The following HCN1 variants were observed in gnomAD, a reference collection of about 807,000 sequenced individuals.
The protein encoded by HCN1 is hyperpolarization activated cyclic nucleotide gated potassium channel 1.
A neutral mutation model predicts 78.9 loss-of-function variants in HCN1; 13 were observed. The observed-to-expected ratio is 0.16, with a 90% CI of 0.11 to 0.26. The LOEUF (loss-of-function observed/expected upper bound fraction) is 0.26. Ranked by LOEUF, HCN1 falls within the 10% of genes least tolerant of loss-of-function variation. HCN1 has a pLI of 1.00. For synonymous variants in HCN1, 552 were observed against 455.5 expected (o/e 1.21, Z -2.70); for missense variants, 810 against 1,154.3 (o/e 0.70, Z 4.32).
chr5:45,516,356 C>T (rs890341376), intron 2 of HCN1, among the ~76,000 whole-genome samples: 1 of 151,868 alleles, frequency 6.6e-6, no homozygotes, highest in Non-Finnish European at 1.5e-5. Context: ...TCCATATCCC[C>T]AGAAGAACAG....
intron 2 of HCN1, among the ~76,000 whole-genome samples, chr5:45,497,873 G>T (rs1040033187): frequency 2.0e-5 from 3 of 152,054 alleles, no homozygotes; most frequent in African/African-American, 7.3e-5. Flanking sequence ...ATGAAATTCT[G>T]GGTTGAAAAT....
chr5:45,485,641 A>G (rs1206427786), intron 2 of HCN1, among the ~76,000 whole-genome samples: 1 of 152,196 alleles, frequency 6.6e-6, no homozygotes, highest in African/African-American at 2.4e-5. Context: ...CAAAGAGTTA[A>G]TATATTCACT....
At chr5:45,488,280 A>G (rs952171774) in intron 2 of HCN1, among the ~76,000 whole-genome samples, 5 of 152,076 alleles carry the variant, frequency 3.3e-5, no homozygotes, top group Admixed American at 3.3e-4. Context: ...TTTACTTTTG[A>G]TTATGCTTAT....
At chr5:45,442,747 T>C (rs75558549) in intron 3 of HCN1, among the ~76,000 whole-genome samples, 2,847 of 152,152 alleles carry the variant, frequency 0.019, 57 homozygotes, top group Non-Finnish European at 0.032. Flanking sequence ...GGACAGAGTA[T>C]GCTTTACCAA....
chr5:45,316,147 C>T lies in HCN1; in HGVS notation c.1378-12308G>A, dbSNP rs376828763. On this transcript the variant is annotated intron_variant, in intron 5 of 7. Transcript: ENST00000303230. ...TTAGACCAATATCCCTGATGAACAT[C>T]GATGCAAAAATCTTCAATAAAATAC... Among the ~76,000 whole-genome samples, 54 of 152,198 alleles carry T rather than the reference C, an allele frequency of 3.5e-4. No homozygotes were observed. The East Asian group carries it at 5.8e-3, about 16-fold the overall frequency.
chr5:45,370,950 G>T (rs1239334973), intron 4 of HCN1, among the ~76,000 whole-genome samples: 1 of 152,046 alleles, frequency 6.6e-6, no homozygotes, highest in Non-Finnish European at 1.5e-5. Flanking sequence ...ATTTCGAGGA[G>T]TTTGGTGATT....
intron 1 of HCN1, among the ~76,000 whole-genome samples, chr5:45,681,868 A>G (rs1398461781): frequency 6.6e-6 from 1 of 152,166 alleles, no homozygotes; most frequent in Non-Finnish European, 1.5e-5. Context: ...TAGTTTTTAT[A>G]GGGCTGTGAA....
chr5:45,446,653 C>T (rs1447928383), intron 3 of HCN1, among the ~76,000 whole-genome samples: 2 of 152,108 alleles, frequency 1.3e-5, no homozygotes, highest in Non-Finnish European at 2.9e-5. Context: ...TCCGGTTACC[C>T]TCAAAGGGAA....
intron 1 of HCN1, among the ~76,000 whole-genome samples, chr5:45,653,166 A>C (rs1172068228): frequency 6.6e-6 from 1 of 151,984 alleles, no homozygotes; most frequent in Non-Finnish European, 1.5e-5. Context: ...CCACCCCAAA[A>C]TGACAACTGG....
At chr5:45,313,620 G>C (rs965003701) in intron 5 of HCN1, among the ~76,000 whole-genome samples, 1 of 152,168 alleles carries the variant, frequency 6.6e-6, no homozygotes, top group Non-Finnish European at 1.5e-5. Context: ...AAACCTTGAA[G>C]AAATATTAGA....
chr5:45,357,347 A>G (rs1189470249), intron 4 of HCN1, among the ~76,000 whole-genome samples: 7 of 152,024 alleles, frequency 4.6e-5, no homozygotes, highest in Admixed American at 4.6e-4. Flanking sequence ...TTGATTCTCT[A>G]TGCTGGATTT....
intron 3 of HCN1, among the ~76,000 whole-genome samples, chr5:45,416,382 G>C (rs1740118701): frequency 6.6e-6 from 1 of 151,860 alleles, no homozygotes; most frequent in Non-Finnish European, 1.5e-5. Flanking sequence ...TACCACTGTA[G>C]TAATGCAAAT....
chr5:45,372,199 A>G (rs1374524593), intron 4 of HCN1, among the ~76,000 whole-genome samples: 1 of 62,692 alleles, frequency 1.6e-5, no homozygotes, highest in Non-Finnish European at 2.4e-5. Flanking sequence ...CAATTAATAT[A>G]ATACATATTA....
chr5:45,505,219 G>GT (rs1465220266), intron 2 of HCN1, among the ~76,000 whole-genome samples: 1 of 151,998 alleles, frequency 6.6e-6, no homozygotes, highest in African/African-American at 2.4e-5. Context: ...TTCTTCTAGG[G>GT]TTTTTATGGT....
At chr5:45,502,775 G>A (rs970392104) in intron 2 of HCN1, among the ~76,000 whole-genome samples, 1 of 151,934 alleles carries the variant, frequency 6.6e-6, no homozygotes, top group African/African-American at 2.4e-5. Flanking sequence ...ATCATTCCAC[G>A]GCTATGAGAT....
chr5:45,374,265 A>G (rs1747543163), intron 4 of HCN1, among the ~76,000 whole-genome samples: 1 of 113,404 alleles, frequency 8.8e-6, no homozygotes, highest in Non-Finnish European at 1.7e-5. Context: ...TATACATAAC[A>G]TATATATTAT....
At chr5:45,587,458 C>T (rs1167151699) in intron 2 of HCN1, among the ~76,000 whole-genome samples, 1 of 150,896 alleles carries the variant, frequency 6.6e-6, no homozygotes, top group Non-Finnish European at 1.5e-5. Flanking sequence ...GACAAAAAAC[C>T]AAACACTGCA....
intron 6 of HCN1, among the ~76,000 whole-genome samples, chr5:45,270,544 T>C (rs1459730149): frequency 1.3e-5 from 2 of 152,182 alleles, no homozygotes; most frequent in Non-Finnish European, 2.9e-5. Context: ...TCTAGAAACA[T>C]GTCCCTTTGT....
At chr5:45,429,106 G>T (rs1051947226) in intron 3 of HCN1, among the ~76,000 whole-genome samples, 1 of 152,094 alleles carries the variant, frequency 6.6e-6, no homozygotes, top group African/African-American at 2.4e-5. Flanking sequence ...ATCTTTATAG[G>T]TGATGGAACT....
Sources: allele counts gnomAD v4.1 joint callset (sites outside exome capture counted in the v4.1 genomes callset), GRCh38; gene constraint gnomAD v4.1.1; transcripts MANE v1.5; gene names NCBI Gene and HGNC (gene_info 2026-07-23, HGNC 2026-07-21).